PRKCA: variants seen among roughly 807,000 people sequenced by gnomAD.
PRKCA encodes the protein protein kinase C alpha.
PRKCA carries 27 observed loss-of-function variants against 87.0 expected under a neutral mutation model. The ratio of observed to expected loss-of-function variants is 0.31; its 90% CI spans 0.23 to 0.43. The LOEUF (loss-of-function observed/expected upper bound fraction) is 0.43. Among genes scored for constraint, PRKCA ranks in the 20% least tolerant of loss-of-function variants. PRKCA has a pLI of 1.00. For missense variants in PRKCA, 518 were observed against 852.3 expected (o/e 0.61, Z 4.88); for synonymous variants, 329 against 311.1 (o/e 1.06, Z -0.61).
intron 9 of PRKCA, 57 bp downstream of exon 9, chr17:66,732,882 T>C: frequency 1.3e-6 from 2 of 1,581,230 alleles, no homozygotes; most frequent in Non-Finnish European, 1.7e-6. Flanking sequence ...GTCGAATCAG[T>C]TTTGTTCTCC....
chr17:66,532,631 T>A (rs1967605286), intron 3 of PRKCA, among the ~76,000 whole-genome samples: 1 of 152,106 alleles, frequency 6.6e-6, no homozygotes, highest in Admixed American at 6.5e-5. Flanking sequence ...AATGCTAGGA[T>A]TACAGGTGTG....
At chr17:66,665,206 T>G (rs1451292175) in intron 5 of PRKCA, among the ~76,000 whole-genome samples, 1 of 152,210 alleles carries the variant, frequency 6.6e-6, no homozygotes, top group East Asian at 1.9e-4. Context: ...TATAATCTTT[T>G]TTAATACTTA....
chr17:66,665,633 C>T (rs1196096100), intron 5 of PRKCA, among the ~76,000 whole-genome samples: 2 of 152,148 alleles, frequency 1.3e-5, no homozygotes, highest in African/African-American at 4.8e-5. Flanking sequence ...TTCCCCACCC[C>T]AGGCTTCCTG....
chr17:66,496,356 A>G (rs1239895157), intron 3 of PRKCA, 73 bp downstream of exon 3: 12 of 1,328,706 alleles, frequency 9.0e-6, no homozygotes, highest in Middle Eastern at 1.8e-4. Flanking sequence ...CGCCTGTGCA[A>G]CTGTTAGTTT....
chr17:66,680,069 G>A (rs1010984205), intron 5 of PRKCA, among the ~76,000 whole-genome samples: 22 of 152,294 alleles, frequency 1.4e-4, no homozygotes, highest in African/African-American at 5.3e-4. Context: ...ATGGGTTGTG[G>A]AAGCGTCCTT....
chr17:66,798,539 ACGGTGGTGGTGGTGATGG>A (rs1975758578), intron 16 of PRKCA, among the ~76,000 whole-genome samples: 4 of 4,464 alleles, frequency 9.0e-4, no homozygotes, highest in African/African-American at 4.8e-3. Context: ...GATGGTGGTG[ACGGTGGTGGTGGTGATGG>A]TGGTGGTGGT....
Position 66,795,078 on chromosome 17 carries a change from T to C in PRKCA, c.1854+6099T>C, listed in dbSNP as rs531358639. Among the ~76,000 whole-genome samples, 583 of 152,260 alleles carry C rather than the reference T, an allele frequency of 3.8e-3. 1 individual carries two copies. Among genetic ancestry groups the C allele is most frequent in the Admixed American group, 6.1e-3 (93 of 15,294 alleles). On this transcript the variant is annotated intron_variant, in intron 16 of 16. Transcript: ENST00000413366. ...TATTTTTTTCTGAACCATTTGAGAG[T>C]AAGTTGCAGAGTTAATGCTTCTTTA... is the stretch of plus-strand genomic sequence containing the variant.
chr17:66,384,879 C>G (rs1306300674), intron 2 of PRKCA, among the ~76,000 whole-genome samples: 4 of 152,160 alleles, frequency 2.6e-5, no homozygotes, highest in Non-Finnish European at 5.9e-5. Flanking sequence ...ATCCGCCCCC[C>G]TCAGCCTCCC....
At chr17:66,721,246 A>G (rs1219567618) in intron 8 of PRKCA, among the ~76,000 whole-genome samples, 4 of 151,914 alleles carry the variant, frequency 2.6e-5, no homozygotes, top group African/African-American at 9.7e-5. Flanking sequence ...AATACAAAAA[A>G]ATTAGCCAGG....
At chr17:66,455,008 G>A (rs1914515543) in intron 2 of PRKCA, among the ~76,000 whole-genome samples, 1 of 152,212 alleles carries the variant, frequency 6.6e-6, no homozygotes, top group South Asian at 2.1e-4. Context: ...AGGGAAGGTG[G>A]GGGTTGAGGG....
chr17:66,702,053 T>G (rs953093046), intron 8 of PRKCA, among the ~76,000 whole-genome samples: 2 of 152,134 alleles, frequency 1.3e-5, no homozygotes, highest in African/African-American at 2.4e-5. Context: ...AGCCAAGATA[T>G]GGAAACAGTG....
At chr17:66,630,537 G>C (rs117648159) in intron 3 of PRKCA, among the ~76,000 whole-genome samples, 2,290 of 152,322 alleles carry the variant, frequency 0.015, 33 homozygotes, top group Middle Eastern at 0.031. Context: ...TTCACCTCTT[G>C]CTTTTCCTTT....
intron 3 of PRKCA, among the ~76,000 whole-genome samples, chr17:66,522,145 G>A (rs1174950142): frequency 6.6e-6 from 1 of 152,168 alleles, no homozygotes; most frequent in Non-Finnish European, 1.5e-5. Context: ...GGAGCTCCTG[G>A]GCGACGGGTC....
chr17:66,429,313 G>A (rs911261450), intron 2 of PRKCA, among the ~76,000 whole-genome samples: 8 of 152,160 alleles, frequency 5.3e-5, no homozygotes, highest in African/African-American at 1.2e-4. Flanking sequence ...CTTTAATATC[G>A]TTGGGTTTCA....
chr17:66,355,906 TG>T (rs1402438903), intron 2 of PRKCA, among the ~76,000 whole-genome samples: 10 of 152,210 alleles, frequency 6.6e-5, no homozygotes, highest in South Asian at 2.1e-4. Flanking sequence ...ATTAAAGTGA[TG>T]TTTTTTTTGA....
intron 5 of PRKCA, among the ~76,000 whole-genome samples, chr17:66,654,926 T>C (rs138648349): frequency 3.0e-4 from 45 of 152,340 alleles, no homozygotes; most frequent in African/African-American, 1.0e-3. Flanking sequence ...GGCATGTGAC[T>C]GGACCAGCCC....
At chr17:66,583,711 G>A (rs2143482658) in intron 3 of PRKCA, among the ~76,000 whole-genome samples, 1 of 152,206 alleles carries the variant, frequency 6.6e-6, no homozygotes, top group South Asian at 2.1e-4. Context: ...GATTACAGAT[G>A]ATAAGTATTT....
At chr17:66,425,761 A>G (rs1027902704) in intron 2 of PRKCA, among the ~76,000 whole-genome samples, 1 of 152,122 alleles carries the variant, frequency 6.6e-6, no homozygotes, top group Non-Finnish European at 1.5e-5. Context: ...TTACCCTTTC[A>G]AGAACTCTAA....
intron 16 of PRKCA, chr17:66,796,520 G>A (rs538925205): frequency 2.0e-6 from 2 of 985,296 alleles, no homozygotes; most frequent in Non-Finnish European, 2.4e-6. Flanking sequence ...AGAACCTTGG[G>A]TGACTAAATG....
Sources: gnomAD v4.1 joint callset for allele counts (sites outside exome capture counted in the v4.1 genomes callset) on GRCh38, gnomAD v4.1.1 for gene constraint, MANE v1.5 for transcripts, NCBI Gene and HGNC (gene_info 2026-07-23, HGNC 2026-07-21) for gene names.